The following NELL2 variants were observed in gnomAD, a reference collection of about 807,000 sequenced individuals.
NELL2 encodes the protein protein kinase C-binding protein NELL2.
A neutral mutation model predicts 109.6 loss-of-function variants in NELL2; 41 were observed. The ratio of observed to expected loss-of-function variants is 0.37; its 90% CI spans 0.29 to 0.49. The LOEUF is 0.49. Among genes scored for constraint, NELL2 ranks in the 20% least tolerant of loss-of-function variants. The pLI, the probability that NELL2 is intolerant of heterozygous loss-of-function variation, is 0.98. For synonymous variants in NELL2, 355 were observed against 344.7 expected (o/e 1.03, Z -0.33); for missense variants, 900 against 1,008.3 (o/e 0.89, Z 1.45).
intron 9 of NELL2, among the ~76,000 whole-genome samples, chr12:44,717,229 T>C (rs1938535727): frequency 6.6e-6 from 1 of 152,252 alleles, no homozygotes; most frequent in Admixed American, 6.5e-5. Context: ...AAAAAAGATA[T>C]AATGATTCCT....
chr12:44,704,500 A>G (rs989444772), intron 11 of NELL2, among the ~76,000 whole-genome samples: 13 of 152,224 alleles, frequency 8.5e-5, no homozygotes, highest in African/African-American at 3.1e-4. Flanking sequence ...GGAACATTTT[A>G]TAAATAGTGA....
chr12:44,612,041 G>T (rs535590159), intron 13 of NELL2, among the ~76,000 whole-genome samples: 2 of 151,938 alleles, frequency 1.3e-5, no homozygotes, highest in Admixed American at 6.6e-5. Flanking sequence ...TTAATTTCAC[G>T]TAATATAAAT....
chr12:44,898,555 C>T (rs1278407090), intron 1 of NELL2, among the ~76,000 whole-genome samples: 3 of 152,166 alleles, frequency 2.0e-5, no homozygotes, highest in African/African-American at 7.2e-5. Context: ...AAAGCAATAA[C>T]ATCAACATTA....
chr12:44,694,106 C>A (rs1352464721), intron 12 of NELL2, among the ~76,000 whole-genome samples: 1 of 152,126 alleles, frequency 6.6e-6, no homozygotes, highest in Non-Finnish European at 1.5e-5. Context: ...CAGGTGGTAA[C>A]CAGACATTTG....
chr12:44,770,054 C>G (rs1477837548), intron 9 of NELL2, among the ~76,000 whole-genome samples: 1 of 152,092 alleles, frequency 6.6e-6, no homozygotes, highest in Non-Finnish European at 1.5e-5. Flanking sequence ...ACTATTTGAT[C>G]TTAGTAATGT....
intron 3 of NELL2, among the ~76,000 whole-genome samples, chr12:44,805,915 G>A (rs1942983092): frequency 6.6e-6 from 1 of 151,728 alleles, no homozygotes; most frequent in African/African-American, 2.4e-5. Context: ...CAAAATTGTA[G>A]TAAATTTTGT....
Position 44,637,869 on chromosome 12 carries a change from G to T in NELL2, c.1445-26899C>A, listed in dbSNP as rs1430589865. ...CAGCCTCATAAGACTAGCCTCCTGT[G>T]TCTATAATACTAGTCTTGTCCAGCT... On this transcript the variant is annotated intron_variant, in intron 13 of 19. Coordinates refer to ENST00000429094, the MANE Select transcript of NELL2 (RefSeq NM_001145108.2). Among the ~76,000 whole-genome samples, 5 of 151,904 alleles carry T rather than the reference G, an allele frequency of 3.3e-5. No homozygotes were observed. In the East Asian group the frequency reaches 7.8e-4, roughly 24 times the overall value.
intron 3 of NELL2, among the ~76,000 whole-genome samples, chr12:44,798,547 C>G (rs1162516782): frequency 6.6e-6 from 1 of 152,014 alleles, no homozygotes; most frequent in Non-Finnish European, 1.5e-5. Context: ...TTAATGTTCT[C>G]TATTGTAAAT....
intron 1 of NELL2, 131 bp downstream of exon 1, chr12:44,875,684 G>T: frequency 1.3e-6 from 2 of 1,583,184 alleles, no homozygotes; most frequent in Non-Finnish European, 1.7e-6. Flanking sequence ...ATCCAAACCC[G>T]CCCCCTTACT....
At chr12:44,774,955 A>G (rs1247265616) in intron 8 of NELL2, 106 bp from the exon 9 acceptor site, 1 of 787,698 alleles carries the variant, frequency 1.3e-6, no homozygotes, top group Non-Finnish European at 2.0e-6. Flanking sequence ...TGAAGAGAAC[A>G]GAACAGGCCA....
chr12:44,523,201 T>C (rs1941616095), intron 17 of NELL2, 90 bp downstream of exon 17: 6 of 1,231,180 alleles, frequency 4.9e-6, no homozygotes, highest in South Asian at 1.3e-5. Flanking sequence ...GATGTACACA[T>C]TGTCAAAACT....
intron 9 of NELL2, among the ~76,000 whole-genome samples, chr12:44,744,814 G>C (rs1432209956): frequency 6.6e-6 from 1 of 152,170 alleles, no homozygotes; most frequent in Non-Finnish European, 1.5e-5. Flanking sequence ...ATAATCAATA[G>C]CTTACCAACC....
chr12:44,731,055 A>C (rs779316722), intron 9 of NELL2, among the ~76,000 whole-genome samples: 1 of 152,134 alleles, frequency 6.6e-6, no homozygotes, highest in Non-Finnish European at 1.5e-5. Context: ...ACTACAACCT[A>C]CTATGACAGC....
At chr12:44,803,678 A>T (rs1234920790) in intron 3 of NELL2, among the ~76,000 whole-genome samples, 1 of 152,026 alleles carries the variant, frequency 6.6e-6, no homozygotes, top group Non-Finnish European at 1.5e-5. Context: ...GATGGAGCAT[A>T]AGTTGATATC....
intron 9 of NELL2, among the ~76,000 whole-genome samples, chr12:44,717,186 T>C (rs906915351): frequency 2.0e-5 from 3 of 152,100 alleles, no homozygotes; most frequent in Non-Finnish European, 2.9e-5. Context: ...ATTTCTTCCC[T>C]AGACTCTTTA....
At chr12:44,701,049 CAAG>C (rs1949212176) in intron 12 of NELL2, among the ~76,000 whole-genome samples, 2 of 152,012 alleles carry the variant, frequency 1.3e-5, no homozygotes, top group Non-Finnish European at 2.9e-5. Context: ...TGTATAATCA[CAAG>C]TGTAATTTAT....
chr12:44,882,575 C>T (rs2710432), intron 1 of NELL2, among the ~76,000 whole-genome samples: 2,800 of 151,502 alleles, frequency 0.018, 122 homozygotes, highest in African/African-American at 0.064. Flanking sequence ...TCACTCAGGC[C>T]GGAATGCAGT....
intron 13 of NELL2, among the ~76,000 whole-genome samples, chr12:44,654,794 C>T (rs773722545): frequency 9.2e-5 from 14 of 152,050 alleles, no homozygotes; most frequent in African/African-American, 1.5e-4. Flanking sequence ...AGCAGCGAGG[C>T]GAGGCAATGT....
At chr12:44,752,287 T>C (rs1367594253) in intron 9 of NELL2, among the ~76,000 whole-genome samples, 1 of 152,232 alleles carries the variant, frequency 6.6e-6, no homozygotes, top group African/African-American at 2.4e-5. Context: ...TATTTTCATA[T>C]TCAAAAAGCT....
Sources: gnomAD v4.1 joint callset for allele counts (sites outside exome capture counted in the v4.1 genomes callset) on GRCh38, gnomAD v4.1.1 for gene constraint, MANE v1.5 for transcripts, NCBI Gene and HGNC (gene_info 2026-07-23, HGNC 2026-07-21) for gene names.